Variants in POLI observed in about 807,000 individuals in gnomAD.
POLI encodes the protein DNA polymerase iota.
A neutral mutation model predicts 51.6 loss-of-function variants in POLI; 58 were observed. The observed-to-expected ratio is 1.12, with a 90% CI of 0.91 to 1.40. POLI has a LOEUF of 1.40. POLI is among the 40% of genes most tolerant of loss of function. The probability of loss-of-function intolerance (pLI) is 0.00; values close to 1 mark genes in which losing one functional copy is unlikely to be tolerated. For missense variants in POLI, 921 were observed against 871.3 expected (o/e 1.06, Z -0.72); for synonymous variants, 322 against 299.7 (o/e 1.07, Z -0.77).
chr18:54,281,780 C>G (rs2087511406), intron 5 of POLI, among the ~76,000 whole-genome samples: 1 of 146,080 alleles, frequency 6.8e-6, no homozygotes, highest in Admixed American at 6.8e-5. Flanking sequence ...TTTCTCCTTT[C>G]TCACTTATTG....
downstream of POLI, among the ~76,000 whole-genome samples, chr18:54,299,391 C>T (rs1335046274): frequency 6.6e-6 from 1 of 152,114 alleles, no homozygotes; most frequent in East Asian, 1.9e-4. Flanking sequence ...ACCAAGATCC[C>T]ACCATTGCAC....
In POLI at chr18:54,294,625, C is replaced by A; in HGVS notation, c.*158C>A. The A allele has an allele frequency of 7.7e-7, 1 of 1,296,988 alleles. No homozygotes were observed. Among genetic ancestry groups the A allele is most frequent in the African/African-American group, 1.5e-5 (1 of 66,102 alleles). 80.3% of individuals were successfully genotyped at this position (1,296,988 alleles called of 1,614,324 possible). ...TAGTTGCAAGAAGTAAATTCTGGCACAAAGCGTAAAAATATAACAGAAGAA... is the reference window on the plus strand; with the variant it reads ...TAGTTGCAAGAAGTAAATTCTGGCAAAAAGCGTAAAAATATAACAGAAGAA... On this transcript the variant is annotated 3_prime_UTR_variant, in exon 10 of 10. Coordinates refer to ENST00000579534, the MANE Select transcript of POLI (RefSeq NM_007195.3).
chr18:54,271,725 T>C (rs1324479623), intron 2 of POLI, among the ~76,000 whole-genome samples: 1 of 152,198 alleles, frequency 6.6e-6, no homozygotes, highest in African/African-American at 2.4e-5. Flanking sequence ...GCAGAATAAA[T>C]GTTACTTTTC....
chr18:54,320,606 A>G (rs1175591153), intron 4 of POLI, among the ~76,000 whole-genome samples: 2 of 152,178 alleles, frequency 1.3e-5, no homozygotes, highest in African/African-American at 4.8e-5. Flanking sequence ...TTTAACAATC[A>G]TTCCAATCCA....
intron 3 of POLI, among the ~76,000 whole-genome samples, chr18:54,308,122 T>C (rs1290062381): frequency 6.6e-6 from 1 of 152,180 alleles, no homozygotes; most frequent in Non-Finnish European, 1.5e-5. Flanking sequence ...GATCCTGTTA[T>C]TATGATGTTA....
At chr18:54,312,546 G>T (rs1358877359) in intron 3 of POLI, among the ~76,000 whole-genome samples, 31 of 152,136 alleles carry the variant, frequency 2.0e-4, no homozygotes, top group Admixed American at 2.0e-3. Context: ...GCTTTCCACA[G>T]TGGCTGAACT....
intron 8 of POLI, chr18:54,287,784 C>G (rs1352821456): frequency 6.5e-6 from 1 of 154,928 alleles, no homozygotes; most frequent in African/African-American, 2.4e-5. Flanking sequence ...TCTCAAACTC[C>G]TGAGCTCAAG....
intron 7 of POLI, among the ~76,000 whole-genome samples, chr18:54,286,204 T>C (rs1428388645): frequency 6.6e-6 from 1 of 152,176 alleles, no homozygotes; most frequent in East Asian, 1.9e-4. Context: ...AAGTTGAGTG[T>C]GTTTAACAAT....
chr18:54,285,433 G>A (rs552146516), intron 7 of POLI, among the ~76,000 whole-genome samples: 6 of 151,696 alleles, frequency 4.0e-5, no homozygotes, highest in South Asian at 4.2e-4. Context: ...TCTGCTTCCC[G>A]GCTCCTTTTC....
intron 3 of POLI, chr18:54,311,239 C>G (rs1273322625): frequency 4.0e-6 from 1 of 249,912 alleles, no homozygotes; most frequent in African/African-American, 2.3e-5. Flanking sequence ...GTTGATGCAT[C>G]TACCTCTTGG....
chr18:54,285,256 G>C (rs953712390), intron 7 of POLI, among the ~76,000 whole-genome samples: 1 of 152,152 alleles, frequency 6.6e-6, no homozygotes, highest in African/African-American at 2.4e-5. Context: ...CTAAATAGAA[G>C]ACTACCCTGA....
At chr18:54,318,622 T>C (rs539275719) in intron 3 of POLI, among the ~76,000 whole-genome samples, 1 of 152,294 alleles carries the variant, frequency 6.6e-6, no homozygotes, top group South Asian at 2.1e-4. Context: ...CACAATTTTC[T>C]GATGATTTTT....
chr18:54,284,421 T>C (rs546414405), intron 7 of POLI, among the ~76,000 whole-genome samples: 133 of 152,338 alleles, frequency 8.7e-4, no homozygotes, highest in African/African-American at 3.1e-3. Context: ...GTTAGTACCA[T>C]GCTAAATACA....
intron 8 of POLI, among the ~76,000 whole-genome samples, chr18:54,289,217 A>G (rs911113549): frequency 9.8e-5 from 10 of 101,978 alleles, no homozygotes; most frequent in African/African-American, 3.6e-4. Flanking sequence ...TTTTTTTTCC[A>G]TTCAAATTTT....
rs1304867859 is a variant in POLI, at chr18:54,283,937, G to T, written c.991G>T (p.Asp331Tyr). ...SGPPQSFSEEDSFKKCSSEVE... is the reference protein window; with the variant it reads ...SGPPQSFSEEYSFKKCSSEVE... Reference sequence around the variant, plus strand: ...TCTTTGATAGTCCTTTAGTGAAGAAGATTCATTTAAAAAATGTTCATCTGA... The same window carrying T: ...TCTTTGATAGTCCTTTAGTGAAGAATATTCATTTAAAAAATGTTCATCTGA... Residue 331 changes from aspartate (D) to tyrosine (Y), a missense_variant, in exon 7 of 10, where the codon GAT becomes TAT. Asp to Tyr is a radical substitution (Grantham distance 160, BLOSUM62 -3). Coordinates refer to ENST00000579534, the MANE Select transcript of POLI (RefSeq NM_007195.3). The T allele has an allele frequency of 2.9e-6, 4 of 1,356,904 alleles. No homozygotes were observed. Among genetic ancestry groups the T allele is most frequent in the African/African-American group, 1.4e-5 (1 of 69,528 alleles). The allele number at this position is 1,356,904 out of a possible 1,614,324, so 84.1% of individuals were successfully genotyped here.
downstream of POLI, among the ~76,000 whole-genome samples, chr18:54,303,171 T>C (rs2088521476): frequency 6.6e-6 from 1 of 152,206 alleles, no homozygotes; most frequent in South Asian, 2.1e-4. Context: ...ACCTACATAG[T>C]ATACTTGGAG....
At chr18:54,302,100 G>A (rs2088501923), downstream of POLI, among the ~76,000 whole-genome samples, 2 of 152,178 alleles carry the variant, frequency 1.3e-5, no homozygotes, top group Admixed American at 1.3e-4. Context: ...GATCTGGCTA[G>A]GCCATTGTTG....
chr18:54,297,986 A>G lies in POLI; in HGVS notation c.*3519A>G. 1.0e-6 allele frequency: 1 copy of G among 980,976 alleles called. No homozygotes were observed. Among genetic ancestry groups the G allele is most frequent in the Non-Finnish European group, 1.2e-6 (1 of 825,904 alleles). The allele number at this position is 980,976 out of a possible 1,614,324, so 60.8% of individuals were successfully genotyped here. A position where few individuals can be genotyped will look rare whatever the true frequency, so the allele number is the denominator to read the frequency against. ...CTGACATCTCTTGAGCTGTTCTAAG[A>G]TAATATCTTTTACTTTGGAGATACG... is the stretch of plus-strand genomic sequence containing the variant. On this transcript the variant is annotated 3_prime_UTR_variant, in exon 10 of 10. Coordinates refer to ENST00000579534, the MANE Select transcript of POLI (RefSeq NM_007195.3).
At chr18:54,313,732 T>G (rs2088698571) in intron 3 of POLI, among the ~76,000 whole-genome samples, 2 of 152,274 alleles carry the variant, frequency 1.3e-5, no homozygotes, top group Middle Eastern at 3.4e-3. Context: ...AATGGGATTG[T>G]GTTCTTGATT....
Sources: gnomAD v4.1 joint callset for allele counts (sites outside exome capture counted in the v4.1 genomes callset) on GRCh38, gnomAD v4.1.1 for gene constraint, MANE v1.5 for transcripts, NCBI Gene and HGNC (gene_info 2026-07-23, HGNC 2026-07-21) for gene names.